The following COLEC12 variants were observed in gnomAD, a reference collection of about 807,000 sequenced individuals.
The protein encoded by COLEC12 is collectin subfamily member 12, also known as collectin-12.
COLEC12 carries 33 observed loss-of-function variants against 71.1 expected under a neutral mutation model. The ratio of observed to expected loss-of-function variants is 0.46; its 90% confidence interval spans 0.35 to 0.62. The LOEUF is 0.62. Among genes scored for constraint, COLEC12 ranks in the 20% least tolerant of loss-of-function variants. The pLI, the probability that COLEC12 is intolerant of heterozygous loss-of-function variation, is 0.00. For synonymous variants in COLEC12, 350 were observed against 353.0 expected (o/e 0.99, Z 0.10); for missense variants, 765 against 916.1 (o/e 0.84, Z 2.13).
intron 1 of COLEC12, among the ~76,000 whole-genome samples, chr18:492,694 CA>C (rs61017327): frequency 0.042 from 5,760 of 137,832 alleles, 219 homozygotes; most frequent in Admixed American, 0.13. Flanking sequence ...TCTCTGGAGA[CA>C]AAAAAAAAAA....
chr18:487,552 A>C (rs1473397129), intron 1 of COLEC12, among the ~76,000 whole-genome samples: 1 of 152,228 alleles, frequency 6.6e-6, no homozygotes, highest in Non-Finnish European at 1.5e-5. Context: ...AGAAGATTCA[A>C]GGTTTACTAC....
chr18:319,339 A>AT lies in COLEC12; in HGVS notation c.*705_*706insA, dbSNP rs57135576. 168 of 40,494 alleles carry AT rather than the reference A, an allele frequency of 4.1e-3. No homozygotes were observed. The highest frequency in any genetic ancestry group is 6.1e-3 in the Non-Finnish European group (94 of 15,466). 2.5% of individuals were successfully genotyped at this position (40,494 alleles called of 1,614,324 possible). ...GAAACATTAAAAAAAAAAAAAAAAA[A>AT]AAATATATATATATATATATATATA... On this transcript the variant is annotated 3_prime_UTR_variant, in exon 10 of 10. Transcript: ENST00000400256.
Position 346,679 on chromosome 18 carries a change from G to T in COLEC12, c.943C>A (p.Gln315Lys), listed in dbSNP as rs760285722. 67 of 1,614,062 alleles carry T rather than the reference G, an allele frequency of 4.2e-5. No individual in the cohort carries two copies. Among genetic ancestry groups the T allele is most frequent in the Non-Finnish European group, 5.5e-5 (65 of 1,180,044 alleles). ...TTCTCTGCATCTTTGTGTAAGTCCT[G>T]CAGGTCTTTCAGGTTCTGCTCGTTG... The part of the protein sequence containing the change: ...QANEQNLKDL[Q>K]DLHKDAENRT... The change falls in exon 5 of 10, where the codon CAG (glutamine) becomes AAG (lysine). Residue 315 changes from glutamine (Q) to lysine (K), a missense_variant. Physicochemically the swap from Gln to Lys is moderately conservative, Grantham distance 53. Coordinates refer to ENST00000400256, the MANE Select transcript of COLEC12 (RefSeq NM_130386.3). The surrounding 1 kb of genome is among the most constrained non-coding windows in gnomAD (Gnocchi z 4.0).
At chr18:495,745 G>A (rs1257610478) in intron 1 of COLEC12, among the ~76,000 whole-genome samples, 2 of 152,202 alleles carry the variant, frequency 1.3e-5, no homozygotes, top group African/African-American at 2.4e-5. Flanking sequence ...CAAAGATGTA[G>A]GACTTGAATG....
In COLEC12 at chr18:500,434, A is replaced by G; in HGVS notation, c.7+74T>C. ...CCAAGGGAAGGTTCGCGCGGGAGGCACCTCCGTGGCCTCCCGCGCGCCCCG... is the reference window on the plus strand; with the variant it reads ...CCAAGGGAAGGTTCGCGCGGGAGGCGCCTCCGTGGCCTCCCGCGCGCCCCG... On this transcript the variant is annotated intron_variant, in intron 1 of 9. Coordinates refer to ENST00000400256, the MANE Select transcript of COLEC12 (RefSeq NM_130386.3). This position sits in a 1 kb window ranked among gnomAD's most constrained non-coding sequence, Gnocchi z 5.3. 2.7e-6 allele frequency: 2 copies of G among 734,162 alleles called. No homozygotes were observed. The highest frequency in any genetic ancestry group is 3.3e-6 in the Non-Finnish European group (2 of 597,136). 45.5% of individuals were successfully genotyped at this position (734,162 alleles called of 1,614,324 possible).
chr18:476,611 T>C (rs1184509330), intron 2 of COLEC12, among the ~76,000 whole-genome samples: 1 of 152,208 alleles, frequency 6.6e-6, no homozygotes, highest in African/African-American at 2.4e-5. Context: ...AAAGGGAGAA[T>C]GCAGGCTCCA....
At chr18:453,421 C>A (rs1230611886) in intron 2 of COLEC12, among the ~76,000 whole-genome samples, 1 of 152,198 alleles carries the variant, frequency 6.6e-6, no homozygotes, top group Non-Finnish European at 1.5e-5. Context: ...GACCAGCATC[C>A]CCACCCTCAG....
At position 406,359 on chromosome 18, in the gene COLEC12, A is replaced by C. The variant is rs192025950; in HGVS notation, c.59-48837T>G. On this transcript the variant is annotated intron_variant, in intron 2 of 9. Coordinates refer to ENST00000400256, the MANE Select transcript of COLEC12 (RefSeq NM_130386.3). ...CCCGTCTCTACTAAAAATACAAAAA[A>C]TTAGCCAGGCGCGGTGGCGGGCGCC... 2.8e-3 allele frequency among the ~76,000 whole-genome samples: 419 copies of C among 151,740 alleles called. 1 individual carries two copies. The highest frequency in any genetic ancestry group is 9.3e-3 in the African/African-American group (384 of 41,288).
intron 2 of COLEC12, among the ~76,000 whole-genome samples, chr18:400,301 G>T (rs1186316438): frequency 6.6e-6 from 1 of 152,098 alleles, no homozygotes; most frequent in Non-Finnish European, 1.5e-5. Flanking sequence ...ATCCTTTCAG[G>T]CTGTCATAGT....
At chr18:347,452 T>C in intron 4 of COLEC12, 111 bp from the exon 5 acceptor site, 2 of 886,786 alleles carry the variant, frequency 2.3e-6, no homozygotes, top group Admixed American at 4.7e-5. Context: ...AGATGCAAAA[T>C]TGGCAGTATA....
intron 2 of COLEC12, among the ~76,000 whole-genome samples, chr18:434,181 T>C (rs1020073749): frequency 2.0e-5 from 3 of 152,144 alleles, no homozygotes; most frequent in African/African-American, 7.2e-5. Context: ...CCACAAACCA[T>C]TAAGTCATTC....
At chr18:391,198 C>A (rs909510412) in intron 2 of COLEC12, among the ~76,000 whole-genome samples, 1 of 152,114 alleles carries the variant, frequency 6.6e-6, no homozygotes, top group Non-Finnish European at 1.5e-5. Context: ...TAGACCCAGT[C>A]TCTGAAAACT....
chr18:460,399 C>T (rs1001252405), intron 2 of COLEC12, among the ~76,000 whole-genome samples: 8 of 152,088 alleles, frequency 5.3e-5, no homozygotes, highest in Non-Finnish European at 1.0e-4. Context: ...TTTTCTTCCC[C>T]GTGGAGTAGA....
chr18:482,243 G>GTA (rs1917434921), intron 1 of COLEC12, among the ~76,000 whole-genome samples: 2 of 151,282 alleles, frequency 1.3e-5, no homozygotes, highest in Non-Finnish European at 3.0e-5. Flanking sequence ...AGCCTTCTGA[G>GTA]GCTGGGATTA....
intron 1 of COLEC12, among the ~76,000 whole-genome samples, chr18:487,441 G>T (rs979918743): frequency 1.3e-5 from 2 of 152,148 alleles, no homozygotes; most frequent in African/African-American, 4.8e-5. Context: ...ACATTGAATT[G>T]TACACGTTAA....
chr18:400,406 A>G (rs1915658781), intron 2 of COLEC12, among the ~76,000 whole-genome samples: 1 of 152,228 alleles, frequency 6.6e-6, no homozygotes, highest in South Asian at 2.1e-4. Context: ...CTGAGCATAA[A>G]GGCCATTGTA....
chr18:349,042 CA>C (rs1292844658), intron 3 of COLEC12, among the ~76,000 whole-genome samples: 1 of 152,146 alleles, frequency 6.6e-6, no homozygotes, highest in Non-Finnish European at 1.5e-5. Flanking sequence ...CAGGGGTTTC[CA>C]CTTTTGCATC....
intron 1 of COLEC12, among the ~76,000 whole-genome samples, chr18:489,467 C>G (rs1917580635): frequency 6.6e-6 from 1 of 152,088 alleles, no homozygotes; most frequent in Admixed American, 6.6e-5. Context: ...GTGTATATAT[C>G]CTAACCTAAC....
At chr18:357,647 G>A (rs781355906) in intron 2 of COLEC12, 125 bp from the exon 3 acceptor site, 18 of 693,264 alleles carry the variant, frequency 2.6e-5, no homozygotes, top group Non-Finnish European at 4.2e-5. Context: ...TATACTATGA[G>A]AACTATTTTG....
Sources: allele counts gnomAD v4.1 joint callset (sites outside exome capture counted in the v4.1 genomes callset), GRCh38; gene constraint gnomAD v4.1.1; non-coding constraint Gnocchi (gnomAD v3.1); transcripts MANE v1.5; gene names NCBI Gene and HGNC (gene_info 2026-07-23, HGNC 2026-07-21).